Variants in ITPRID1 observed in about 807,000 individuals in gnomAD.
The protein encoded by ITPRID1 is ITPR interacting domain containing 1.
A neutral mutation model predicts 95.4 loss-of-function variants in ITPRID1; 96 were observed. The observed-to-expected ratio is 1.01, with a 90% CI of 0.85 to 1.19. The LOEUF (loss-of-function observed/expected upper bound fraction) is 1.19. ITPRID1 is among the 50% of genes most tolerant of loss of function. The pLI is 0.00. For synonymous variants in ITPRID1, 510 were observed against 453.6 expected (o/e 1.12, Z -1.58); for missense variants, 1,339 against 1,252.9 (o/e 1.07, Z -1.04).
At chr7:31,597,105 A>G (rs1786121491) in intron 10 of ITPRID1, among the ~76,000 whole-genome samples, 2 of 152,010 alleles carry the variant, frequency 1.3e-5, no homozygotes, top group African/African-American at 2.4e-5. Flanking sequence ...ACAAAAGAAC[A>G]AACAAAAACT....
intron 10 of ITPRID1, among the ~76,000 whole-genome samples, chr7:31,620,291 G>T (rs563579356): frequency 6.6e-6 from 1 of 152,022 alleles, no homozygotes; most frequent in East Asian, 1.9e-4. Context: ...ATCTGAGAAC[G>T]GGCAGACTGC....
At chr7:31,600,707 T>G (rs1294269008) in intron 10 of ITPRID1, among the ~76,000 whole-genome samples, 1 of 152,122 alleles carries the variant, frequency 6.6e-6, no homozygotes, top group Non-Finnish European at 1.5e-5. Flanking sequence ...GTTTAGGGAG[T>G]TATTCCTCGA....
At chr7:31,564,372 C>T (rs1784724388) in intron 5 of ITPRID1, among the ~76,000 whole-genome samples, 1 of 151,926 alleles carries the variant, frequency 6.6e-6, no homozygotes, top group African/African-American at 2.4e-5. Context: ...TTTCTCCAAA[C>T]CCTTAGGAAA....
chr7:31,597,125 T>C (rs1786122852), intron 10 of ITPRID1, among the ~76,000 whole-genome samples: 1 of 152,008 alleles, frequency 6.6e-6, no homozygotes, highest in Admixed American at 6.5e-5. Context: ...TCTCTGCAAG[T>C]AGGAATAAAA....
chr7:31,599,653 T>C (rs867172270), intron 10 of ITPRID1, among the ~76,000 whole-genome samples: 66 of 25,314 alleles, frequency 2.6e-3, no homozygotes, highest in African/African-American at 6.4e-3. Flanking sequence ...TTCTTTTTCT[T>C]TCTTTCCTTT....
chr7:31,590,711 C>T (rs1174626162), intron 10 of ITPRID1, among the ~76,000 whole-genome samples: 6 of 152,152 alleles, frequency 3.9e-5, no homozygotes, highest in Non-Finnish European at 8.8e-5. Context: ...ATTGAGGACA[C>T]TAAATTTCAC....
chr7:31,601,045 G>C (rs575234224), intron 10 of ITPRID1, among the ~76,000 whole-genome samples: 3 of 152,202 alleles, frequency 2.0e-5, no homozygotes, highest in African/African-American at 7.2e-5. Flanking sequence ...GTTGCCTCCT[G>C]AGTCGACCTT....
rs1486904655 is a variant in ITPRID1, at chr7:31,653,851, C to CAG, written c.*1024_*1025dup. Among the ~76,000 whole-genome samples, 2 of 152,096 alleles carry CAG rather than the reference C, an allele frequency of 1.3e-5. No individual in the cohort carries two copies. The highest frequency in any genetic ancestry group is 4.8e-5 in the African/African-American group (2 of 41,416). On this transcript the variant is annotated 3_prime_UTR_variant, in exon 15 of 15. Transcript: ENST00000615280. ...AGGGAATCCGATTTAGATCAATGTT[C>CAG]AGACAGCCCTGGTTGAGGAAGTAAC... is the stretch of plus-strand genomic sequence containing the variant.
chr7:31,591,971 CAAA>C, intron 10 of ITPRID1, among the ~76,000 whole-genome samples: 2 of 151,834 alleles, frequency 1.3e-5, no homozygotes, highest in Middle Eastern at 6.8e-3. Context: ...ATTTCTGGAC[CAAA>C]AAAATTCAGA....
At chr7:31,587,175 A>G (rs1266262019) in intron 10 of ITPRID1, among the ~76,000 whole-genome samples, 1 of 152,198 alleles carries the variant, frequency 6.6e-6, no homozygotes, top group East Asian at 1.9e-4. Flanking sequence ...AGGGTATTCA[A>G]TTAGGAAAAG....
rs543770187 is a variant in ITPRID1 at position 31,558,504 on chromosome 7, A to G, written c.256+3603A>G. On this transcript the variant is annotated intron_variant, in intron 5 of 14. Coordinates refer to ENST00000615280, the MANE Select transcript of ITPRID1 (RefSeq NM_001257967.3). ...TTTTTTTTATGTCAGTAAAGTGTCT[A>G]TATTCATAGCTTTAAAAAGATACAT... is the stretch of plus-strand genomic sequence containing the variant. 3.8e-3 allele frequency among the ~76,000 whole-genome samples: 578 copies of G among 152,268 alleles called. 5 individuals are homozygous for G. Among genetic ancestry groups the G allele is most frequent in the African/African-American group, 0.014 (563 of 41,560 alleles).
chr7:31,532,839 T>C (rs1452569202), intron 1 of ITPRID1, among the ~76,000 whole-genome samples: 1 of 152,180 alleles, frequency 6.6e-6, no homozygotes, highest in African/African-American at 2.4e-5. Context: ...GGGCTGATAT[T>C]TTAATAATAA....
chr7:31,558,942 A>G (rs1784539886), intron 5 of ITPRID1, among the ~76,000 whole-genome samples: 1 of 152,230 alleles, frequency 6.6e-6, no homozygotes, highest in Non-Finnish European at 1.5e-5. Flanking sequence ...AATTCAAAGC[A>G]AAATTACTAC....
intron 8 of ITPRID1, among the ~76,000 whole-genome samples, chr7:31,575,648 GGAA>G (rs1477797671): frequency 6.6e-6 from 1 of 152,168 alleles, no homozygotes; most frequent in Non-Finnish European, 1.5e-5. Flanking sequence ...GAAGCATTGA[GGAA>G]GACCTTCTCT....
At chr7:31,630,919 TA>T (rs1330557552) in intron 10 of ITPRID1, among the ~76,000 whole-genome samples, 1 of 152,084 alleles carries the variant, frequency 6.6e-6, no homozygotes, top group Non-Finnish European at 1.5e-5. Flanking sequence ...ATGTATGAAA[TA>T]AGACCAAAGC....
intron 12 of ITPRID1, among the ~76,000 whole-genome samples, chr7:31,645,118 G>A (rs2128212882): frequency 6.6e-6 from 1 of 152,252 alleles, no homozygotes; most frequent in Non-Finnish European, 1.5e-5. Flanking sequence ...TGACTAAGTG[G>A]GAAGTCCAAA....
chr7:31,633,510 A>C (rs1407662339), intron 10 of ITPRID1, among the ~76,000 whole-genome samples: 3 of 152,238 alleles, frequency 2.0e-5, no homozygotes, highest in Non-Finnish European at 4.4e-5. Context: ...GTTCTACAAA[A>C]CATTGAAAAT....
intron 10 of ITPRID1, among the ~76,000 whole-genome samples, chr7:31,636,982 G>A (rs1306305925): frequency 7.4e-5 from 11 of 149,070 alleles, no homozygotes; most frequent in East Asian, 4.0e-4. Flanking sequence ...GAGAACATGC[G>A]GTGTTTGGTT....
chr7:31,587,333 T>G (rs1227821159), intron 10 of ITPRID1, among the ~76,000 whole-genome samples: 1 of 152,028 alleles, frequency 6.6e-6, no homozygotes, highest in Non-Finnish European at 1.5e-5. Context: ...CAAGCATTCT[T>G]ATACACCAAT....
Sources: gnomAD v4.1 joint callset for allele counts (sites outside exome capture counted in the v4.1 genomes callset) on GRCh38, gnomAD v4.1.1 for gene constraint, MANE v1.5 for transcripts, NCBI Gene and HGNC (gene_info 2026-07-23, HGNC 2026-07-21) for gene names.